The following RPE variants were observed in gnomAD, a reference collection of about 807,000 sequenced individuals.
The protein encoded by RPE is ribulose-phosphate 3-epimerase.
A neutral mutation model predicts 24.6 loss-of-function variants in RPE; 16 were observed. That is an observed-to-expected ratio of 0.65 (90% CI 0.44 to 0.99). RPE has a LOEUF of 0.99. Ranked by LOEUF, RPE falls within the 50% of genes least tolerant of loss-of-function variation. The pLI, the probability that RPE is intolerant of heterozygous loss-of-function variation, is 0.00. For missense variants in RPE, 240 were observed against 294.5 expected (o/e 0.81, Z 1.35); for synonymous variants, 93 against 98.4 (o/e 0.94, Z 0.33).
chr2:210,011,776 A>G (rs1001607964), intron 2 of RPE, among the ~76,000 whole-genome samples: 3 of 150,392 alleles, frequency 2.0e-5, no homozygotes, highest in Non-Finnish European at 4.4e-5. Context: ...GGCTCAAGCA[A>G]TCCTCCCGCC....
Position 210,017,540 on chromosome 2 carries a change from C to T in RPE, c.545C>T (p.Thr182Ile), listed in dbSNP as rs1049076263. ...IEVDGGVGPD[T>I]VHKCAEAGAN... Reference sequence around the variant, plus strand: ...GTCGATGGTGGAGTAGGTCCTGACACTGTCCATAAATGTGCAGAGGTGAGA... The same window carrying T: ...GTCGATGGTGGAGTAGGTCCTGACATTGTCCATAAATGTGCAGAGGTGAGA... The change falls in exon 5 of 6, where the codon ACT becomes ATT. Residue 182 changes from threonine (T) to isoleucine (I), a missense_variant. Coordinates refer to ENST00000359429, the MANE Select transcript of RPE (RefSeq NM_199229.3). The T allele has an allele frequency of 1.2e-6, 2 of 1,612,702 alleles. No individual in the cohort carries two copies. The highest frequency in any genetic ancestry group is 1.7e-6 in the Non-Finnish European group (2 of 1,179,278).
At position 210,018,967 on chromosome 2, in the gene RPE, ACTTC is replaced by A. The variant is rs2093817740; in HGVS notation, c.565-701_565-698del. ...ATTTTCCTCAGCCTGTGGTTCTCCCACTTCTCCCTCTTTGTTCTAGCAATGAATC... is the reference window on the plus strand; with the variant it reads ...ATTTTCCTCAGCCTGTGGTTCTCCCATCCCTCTTTGTTCTAGCAATGAATC... On this transcript the variant is annotated intron_variant, in intron 5 of 5. Transcript: ENST00000359429. 2.6e-5 allele frequency among the ~76,000 whole-genome samples: 4 copies of A among 152,154 alleles called. 1 individual carries two copies. In the South Asian group the frequency reaches 8.3e-4, roughly 32 times the overall value.
At chr2:210,015,677 G>A (rs2093761518) in intron 2 of RPE, among the ~76,000 whole-genome samples, 2 of 152,144 alleles carry the variant, frequency 1.3e-5, no homozygotes, top group Non-Finnish European at 2.9e-5. Flanking sequence ...AAGTTTTTTA[G>A]AGTGGCATTT....
At position 210,018,809 on chromosome 2, in the gene RPE, A is replaced by C. The variant is rs560188039; in HGVS notation, c.565-860A>C. On this transcript the variant is annotated intron_variant, in intron 5 of 5. Coordinates refer to ENST00000359429, the MANE Select transcript of RPE (RefSeq NM_199229.3). ...ACAAGCTTAGCGTTCCAATAATGGA[A>C]CACTAGGCATAAATGGGTTAACTGA... 4 of 475,430 alleles carry C rather than the reference A, an allele frequency of 8.4e-6. No individual in the cohort carries two copies. The African/African-American group carries it at 8.4e-5, about 10-fold the overall frequency. 29.5% of individuals were successfully genotyped at this position (475,430 alleles called of 1,614,324 possible).
Position 210,022,150 on chromosome 2 carries a change from A to C in RPE, c.*2359A>C, listed in dbSNP as rs569663566. The C allele has an allele frequency of 6.6e-6, 1 of 152,120 alleles. No homozygotes were observed. The highest frequency in any genetic ancestry group is 1.5e-5 in the Non-Finnish European group (1 of 67,946). 9.4% of individuals were successfully genotyped at this position (152,120 alleles called of 1,614,324 possible). ...TGTGATAGTATTAAAGTGCACCAATATTTGACTCAAATTTGCTTGCTTTAT... is the reference window on the plus strand; with the variant it reads ...TGTGATAGTATTAAAGTGCACCAATCTTTGACTCAAATTTGCTTGCTTTAT... On this transcript the variant is annotated 3_prime_UTR_variant, in exon 6 of 6. Coordinates refer to ENST00000359429, the MANE Select transcript of RPE (RefSeq NM_199229.3).
rs2093767470 is a variant in RPE, at chr2:210,016,094, T to G, written c.324T>G (p.Ile108Met). 6.2e-7 allele frequency: 1 copy of G among 1,614,196 alleles called. No individual in the cohort carries two copies. The highest frequency in any genetic ancestry group is 8.5e-7 in the Non-Finnish European group (1 of 1,180,042). ...ACCCAGGGGCTTTGATTAAAGACAT[T>G]CGGGAGAATGGGATGAAGGTAAGAA... ...TENPGALIKD[I>M]RENGMKVGLA... The change falls in exon 3 of 6, where the codon ATT becomes ATG. Residue 108 changes from isoleucine (I) to methionine (M), a missense_variant. By Grantham distance (10) the Ile-to-Met change is conservative. Transcript: ENST00000359429.
At chr2:210,010,571 T>C (rs997674893) in intron 2 of RPE, among the ~76,000 whole-genome samples, 2 of 152,164 alleles carry the variant, frequency 1.3e-5, no homozygotes, top group South Asian at 2.1e-4. Context: ...CCATAAATAG[T>C]TTTTTTAACG....
chr2:210,017,283 A>G (rs1391458981), intron 4 of RPE, among the ~76,000 whole-genome samples, 190 bp from the exon 5 acceptor site: 1 of 152,232 alleles, frequency 6.6e-6, no homozygotes, highest in Non-Finnish European at 1.5e-5. Context: ...TGCCAAATAG[A>G]ACAAAGCTTG....
intron 5 of RPE, among the ~76,000 whole-genome samples, chr2:210,018,915 ATGAAGTGACACTATCTGTC>A (rs2125092438): frequency 6.6e-6 from 1 of 152,306 alleles, no homozygotes; most frequent in African/African-American, 2.4e-5. Flanking sequence ...GTTGTCATAC[ATGAAGTGACACTATCTGTC>A]TGGAAAAATT....
At chr2:210,014,717 C>A (rs1271592756) in intron 2 of RPE, among the ~76,000 whole-genome samples, 1 of 130,092 alleles carries the variant, frequency 7.7e-6, no homozygotes, top group South Asian at 2.7e-4. Context: ...TTTATACTTT[C>A]TTTTTCTGAC....
At chr2:210,002,914 G>T in intron 1 of RPE, 131 bp downstream of exon 1, 1 of 1,550,594 alleles carries the variant, frequency 6.4e-7, no homozygotes, top group Non-Finnish European at 8.8e-7. Context: ...TGCTAGAAGG[G>T]GTGTGGGGTA....
At chr2:210,009,816 G>A in intron 2 of RPE, 80 bp downstream of exon 2, 1 of 1,580,874 alleles carries the variant, frequency 6.3e-7, no homozygotes, top group South Asian at 1.1e-5. Context: ...TAACTTCCAA[G>A]TTCATCTGGC....
At chr2:210,009,602 A>AATT in intron 1 of RPE, 55 bp from the exon 2 acceptor site, 1 of 1,604,232 alleles carries the variant, frequency 6.2e-7, no homozygotes, top group Non-Finnish European at 8.5e-7. Context: ...ATATTGAGAG[A>AATT]GATACAGAAA....
chr2:210,018,440 C>G (rs1329409031), intron 5 of RPE: 1 of 984,120 alleles, frequency 1.0e-6, no homozygotes, highest in African/African-American at 1.8e-5. Context: ...AGTCAGGCTC[C>G]TGAGGATGCC....
intron 2 of RPE, 85 bp from the exon 3 acceptor site, chr2:210,015,888 G>A (rs559050736): frequency 1.4e-6 from 2 of 1,437,196 alleles, no homozygotes; most frequent in African/African-American, 1.4e-5. Context: ...CTTATCAGAA[G>A]TGGCAAAAAC....
At chr2:210,016,262 A>C in intron 3 of RPE, 150 bp downstream of exon 3, 1 of 1,613,908 alleles carries the variant, frequency 6.2e-7, no homozygotes, top group South Asian at 1.1e-5. Flanking sequence ...TTGCAGGTAA[A>C]GAATACCTTA....
intron 2 of RPE, among the ~76,000 whole-genome samples, chr2:210,014,237 C>T (rs1308504830): frequency 3.9e-5 from 6 of 151,948 alleles, no homozygotes; most frequent in African/African-American, 9.7e-5. Context: ...TACAGGCGCC[C>T]GCCACCACGC....
chr2:210,007,983 A>G (rs556719273), intron 1 of RPE, among the ~76,000 whole-genome samples: 3 of 152,334 alleles, frequency 2.0e-5, no homozygotes, highest in Admixed American at 6.5e-5. Context: ...CTCTGCAGTG[A>G]CACACTACTT....
At chr2:210,002,935 A>T in intron 1 of RPE, 152 bp downstream of exon 1, 1 of 1,449,384 alleles carries the variant, frequency 6.9e-7, no homozygotes, top group Non-Finnish European at 9.4e-7. Flanking sequence ...GGAGCCCTGG[A>T]GGCTCTAGCA....
Sources: allele counts gnomAD v4.1 joint callset (sites outside exome capture counted in the v4.1 genomes callset), GRCh38; gene constraint gnomAD v4.1.1; transcripts MANE v1.5; gene names NCBI Gene and HGNC (gene_info 2026-07-23, HGNC 2026-07-21).